The following GRIK2 variants were observed in gnomAD, a reference collection of about 807,000 sequenced individuals.
GRIK2 encodes the protein glutamate ionotropic receptor kainate type subunit 2.
GRIK2 carries 32 observed loss-of-function variants against 100.3 expected under a neutral mutation model. That is an observed-to-expected ratio of 0.32 (90% CI 0.24 to 0.43). GRIK2 has a LOEUF of 0.43. Among genes scored for constraint, GRIK2 ranks in the 20% least tolerant of loss-of-function variants. The pLI is 1.00. For missense variants in GRIK2, 843 were observed against 1,114.9 expected, an observed-to-expected ratio of 0.76 and a Z score of 3.47; for synonymous variants, 417 against 389.4, an observed-to-expected ratio of 1.07 and a Z score of -0.83.
intron 3 of GRIK2, among the ~76,000 whole-genome samples, chr6:101,626,151 ATAGAATTATTTG>A (rs1363231129): frequency 6.6e-6 from 1 of 152,126 alleles, no homozygotes; most frequent in Non-Finnish European, 1.5e-5. Flanking sequence ...GACATTATTT[ATAGAATTATTTG>A]AACATTGAGC....
intron 5 of GRIK2, among the ~76,000 whole-genome samples, chr6:101,680,679 T>G (rs1305657805): frequency 6.6e-6 from 1 of 152,100 alleles, no homozygotes; most frequent in Non-Finnish European, 1.5e-5. Flanking sequence ...ACCTACAGAG[T>G]TGATAAAGTA....
chr6:101,726,715 T>C (rs1408386863), intron 7 of GRIK2, among the ~76,000 whole-genome samples: 1 of 152,070 alleles, frequency 6.6e-6, no homozygotes, highest in Admixed American at 6.6e-5. Context: ...TTTAGCATTT[T>C]ATATGCACAA....
At chr6:101,863,913 G>A (rs1280199550) in intron 11 of GRIK2, among the ~76,000 whole-genome samples, 43 of 151,976 alleles carry the variant, frequency 2.8e-4, no homozygotes, top group African/African-American at 9.9e-4. Context: ...CGAGGCGGGT[G>A]GATCATGAGG....
At chr6:101,719,931 G>A (rs1158194098) in intron 7 of GRIK2, among the ~76,000 whole-genome samples, 1 of 151,410 alleles carries the variant, frequency 6.6e-6, no homozygotes, top group Admixed American at 6.6e-5. Flanking sequence ...CTTTCAAAAA[G>A]AAAGAGAGAG....
At chr6:101,521,433 C>T (rs1479132659) in intron 2 of GRIK2, among the ~76,000 whole-genome samples, 2 of 151,698 alleles carry the variant, frequency 1.3e-5, no homozygotes, top group African/African-American at 4.8e-5. Flanking sequence ...AGAAATTAAC[C>T]ATTTAAAGCA....
chr6:101,540,290 T>A (rs995448378), intron 2 of GRIK2, among the ~76,000 whole-genome samples: 1 of 151,932 alleles, frequency 6.6e-6, no homozygotes, highest in African/African-American at 2.4e-5. Context: ...AGAACATAAT[T>A]TTCATTGAAA....
intron 12 of GRIK2, among the ~76,000 whole-genome samples, chr6:101,920,731 C>CT (rs35117228): frequency 0.018 from 2,685 of 145,914 alleles, 44 homozygotes; most frequent in African/African-American, 0.045. Context: ...AAATACAGGG[C>CT]TTTTTTTTTT....
intron 7 of GRIK2, among the ~76,000 whole-genome samples, chr6:101,783,153 C>T (rs979203315): frequency 3.9e-5 from 6 of 152,038 alleles, no homozygotes; most frequent in Non-Finnish European, 4.4e-5. Context: ...GCAGTGCACC[C>T]GGCCTCAAAT....
chr6:102,039,599 C>T (rs1049554240), intron 15 of GRIK2, among the ~76,000 whole-genome samples: 1 of 151,454 alleles, frequency 6.6e-6, no homozygotes, highest in Admixed American at 6.6e-5. Context: ...GAACATTTCT[C>T]CTCCTTAATA....
intron 12 of GRIK2, among the ~76,000 whole-genome samples, chr6:101,894,342 G>T (rs1787299139): frequency 6.6e-6 from 1 of 151,628 alleles, no homozygotes; most frequent in Non-Finnish European, 1.5e-5. Flanking sequence ...CCTGTAAGCA[G>T]TTATATTATT....
intron 7 of GRIK2, among the ~76,000 whole-genome samples, chr6:101,736,303 A>C (rs1001027682): frequency 1.3e-5 from 2 of 152,216 alleles, no homozygotes; most frequent in Non-Finnish European, 2.9e-5. Flanking sequence ...TCCACTAGGC[A>C]GTGCCCCAGT....
At chr6:101,466,108 C>T (rs942426904) in intron 2 of GRIK2, among the ~76,000 whole-genome samples, 4 of 152,082 alleles carry the variant, frequency 2.6e-5, no homozygotes, top group African/African-American at 9.7e-5. Context: ...AAAATATTTC[C>T]TTCTGTCATT....
chr6:101,892,418 CAT>C (rs1391701995), intron 12 of GRIK2, among the ~76,000 whole-genome samples: 4 of 152,042 alleles, frequency 2.6e-5, no homozygotes, highest in Non-Finnish European at 1.5e-5. Flanking sequence ...GATAAACCAT[CAT>C]AGACAGCATC....
chr6:101,705,681 C>T (rs969165261), intron 7 of GRIK2, among the ~76,000 whole-genome samples: 3 of 151,728 alleles, frequency 2.0e-5, no homozygotes, highest in Middle Eastern at 3.2e-3. Flanking sequence ...TTACTGCAAC[C>T]GAATCTGCTG....
chr6:101,682,832 A>C (rs558424498), intron 6 of GRIK2, among the ~76,000 whole-genome samples: 2 of 152,256 alleles, frequency 1.3e-5, no homozygotes, highest in Admixed American at 6.5e-5. Context: ...TGCATATCTT[A>C]TTTTTATGTT....
At chr6:102,002,847 C>T (rs1582701187) in intron 14 of GRIK2, among the ~76,000 whole-genome samples, 1 of 150,732 alleles carries the variant, frequency 6.6e-6, no homozygotes, top group Admixed American at 6.6e-5. Context: ...AAAAAGGCTA[C>T]ATTTTTAGAT....
intron 11 of GRIK2, among the ~76,000 whole-genome samples, chr6:101,872,567 T>C (rs1785501701): frequency 6.6e-6 from 1 of 151,864 alleles, no homozygotes; most frequent in Non-Finnish European, 1.5e-5. Flanking sequence ...CAATTCAAGA[T>C]TAGATTTGGG....
intron 4 of GRIK2, among the ~76,000 whole-genome samples, chr6:101,637,098 C>T (rs1238755515): frequency 6.6e-6 from 1 of 152,078 alleles, no homozygotes; most frequent in Non-Finnish European, 1.5e-5. Context: ...TACTCTTAAA[C>T]TCCTTTTTCT....
rs2128235267 is a variant in GRIK2, at chr6:101,399,400, T to C, written c.115+8T>C. ...CACATGTATTAAGATTTGGTAAGATTCCCCATCTCTCTTGGTTGCCTGGTA... is the reference window on the plus strand; with the variant it reads ...CACATGTATTAAGATTTGGTAAGATCCCCCATCTCTCTTGGTTGCCTGGTA... On this transcript the variant is annotated splice_region_variant and intron_variant, in intron 2 of 16. Coordinates refer to ENST00000369134, the MANE Select transcript of GRIK2 (RefSeq NM_021956.5). 7.5e-7 allele frequency: 1 copy of C among 1,330,440 alleles called. No individual in the cohort carries two copies. Among genetic ancestry groups the C allele is most frequent in the Admixed American group, 1.7e-5 (1 of 59,636 alleles). The allele number at this position is 1,330,440 out of a possible 1,614,324, so 82.4% of individuals were successfully genotyped here.
Sources: gnomAD v4.1 joint callset for allele counts (sites outside exome capture counted in the v4.1 genomes callset) on GRCh38, gnomAD v4.1.1 for gene constraint, MANE v1.5 for transcripts, NCBI Gene and HGNC (gene_info 2026-07-23, HGNC 2026-07-21) for gene names.